NIM1K: variants seen among roughly 807,000 people sequenced by gnomAD.
NIM1K encodes NIM1 serine/threonine protein kinase, also known as serine/threonine-protein kinase NIM1.
Under a neutral mutation model 37.1 loss-of-function variants are expected in NIM1K, and 35 were observed. The observed-to-expected ratio is 0.94, with a 90% CI of 0.72 to 1.25. NIM1K has a LOEUF of 1.25. NIM1K is among the 50% of genes most tolerant of loss of function. The pLI is 0.00. For missense variants in NIM1K, 564 were observed against 548.0 expected, an observed-to-expected ratio of 1.03 and a Z score of -0.29; for synonymous variants, 234 against 206.6, an observed-to-expected ratio of 1.13 and a Z score of -1.14.
intron 1 of NIM1K, among the ~76,000 whole-genome samples, chr5:43,202,128 C>T (rs1215105531): frequency 6.6e-6 from 1 of 151,914 alleles, no homozygotes; most frequent in Non-Finnish European, 1.5e-5. Context: ...TAAAGGAAAA[C>T]ATTTATGGTC....
At position 43,280,746 on chromosome 5, in the gene NIM1K, T is replaced by C; in HGVS notation, c.*17T>C. 1 of 1,553,310 alleles carries C rather than the reference T, an allele frequency of 6.4e-7. No homozygotes were observed. Among genetic ancestry groups the C allele is most frequent in the East Asian group, 2.3e-5 (1 of 44,248 alleles). ...ATTTTATAAATTGCACTAGACTGCT[T>C]GTAACTAACCAAGATGATTGTTGCT... On this transcript the variant is annotated 3_prime_UTR_variant, in exon 4 of 4. Coordinates refer to ENST00000326035, the MANE Select transcript of NIM1K (RefSeq NM_153361.4).
chr5:43,217,093 T>G (rs1488990582), intron 1 of NIM1K, among the ~76,000 whole-genome samples: 1 of 152,162 alleles, frequency 6.6e-6, no homozygotes, highest in Non-Finnish European at 1.5e-5. Context: ...TTCATTACCC[T>G]AAAAAGAAAC....
chr5:43,199,181 T>C (rs1276469862), intron 1 of NIM1K, among the ~76,000 whole-genome samples: 2 of 70,422 alleles, frequency 2.8e-5, no homozygotes, highest in African/African-American at 6.0e-5. Context: ...AGAGTGAAGC[T>C]CTGTCTCCAA....
intron 2 of NIM1K, among the ~76,000 whole-genome samples, chr5:43,261,114 G>C (rs1753023256): frequency 6.6e-6 from 1 of 152,092 alleles, no homozygotes; most frequent in African/African-American, 2.4e-5. Context: ...ATAATCCTTT[G>C]GGTATATACC....
intron 2 of NIM1K, among the ~76,000 whole-genome samples, chr5:43,262,862 T>C (rs1410280598): frequency 6.6e-6 from 1 of 152,216 alleles, no homozygotes; most frequent in Non-Finnish European, 1.5e-5. Context: ...TCTATTGAGA[T>C]AATCATGTGG....
rs576580358 is a variant in NIM1K, at chr5:43,220,174, T to G, written c.-694-24908T>G. Among the ~76,000 whole-genome samples the G allele has an allele frequency of 3.9e-5, 6 of 152,360 alleles. No homozygotes were observed. The South Asian group carries it at 1.2e-3, about 32-fold the overall frequency. ...GGTTGTGCAGATTTATGCCTATGTTTTCATCCAAGAGTTTTATATCTTTAG... is the reference window on the plus strand; with the variant it reads ...GGTTGTGCAGATTTATGCCTATGTTGTCATCCAAGAGTTTTATATCTTTAG... On this transcript the variant is annotated intron_variant, in intron 1 of 3. Coordinates refer to ENST00000326035, the MANE Select transcript of NIM1K (RefSeq NM_153361.4).
At chr5:43,242,057 T>C (rs1711988375) in intron 1 of NIM1K, among the ~76,000 whole-genome samples, 1 of 152,058 alleles carries the variant, frequency 6.6e-6, no homozygotes, top group Non-Finnish European at 1.5e-5. Context: ...ACACTTTATC[T>C]GATCTAAATG....
chr5:43,230,399 G>T (rs1241198894), intron 1 of NIM1K, among the ~76,000 whole-genome samples: 1 of 152,032 alleles, frequency 6.6e-6, no homozygotes, highest in Non-Finnish European at 1.5e-5. Flanking sequence ...TTTTTTTAAA[G>T]GTCACAACAT....
intron 1 of NIM1K, among the ~76,000 whole-genome samples, chr5:43,203,097 C>G (rs1463302791): frequency 2.0e-5 from 3 of 152,094 alleles, no homozygotes; most frequent in Non-Finnish European, 2.9e-5. Context: ...ACCATCCCCC[C>G]AGCCCCACCG....
intron 2 of NIM1K, among the ~76,000 whole-genome samples, chr5:43,273,727 C>A (rs1047519575): frequency 6.6e-6 from 1 of 152,214 alleles, no homozygotes; most frequent in African/African-American, 2.4e-5. Flanking sequence ...CTTGCCTGGG[C>A]AGCACACTTG....
chr5:43,214,172 G>A (rs1752263745), intron 1 of NIM1K, among the ~76,000 whole-genome samples: 1 of 152,106 alleles, frequency 6.6e-6, no homozygotes, highest in African/African-American at 2.4e-5. Flanking sequence ...GACTGTATCA[G>A]GGAGGATTCA....
intron 2 of NIM1K, among the ~76,000 whole-genome samples, chr5:43,250,033 T>C (rs1752844636): frequency 6.6e-6 from 1 of 151,740 alleles, no homozygotes; most frequent in African/African-American, 2.4e-5. Context: ...TTTGTATTTT[T>C]AGTAGAGACG....
At chr5:43,248,687 G>T (rs1752820829) in intron 2 of NIM1K, among the ~76,000 whole-genome samples, 1 of 151,980 alleles carries the variant, frequency 6.6e-6, no homozygotes, top group Non-Finnish European at 1.5e-5. Flanking sequence ...AAGATCCACA[G>T]TCAGCAAGCT....
chr5:43,231,867 T>C, intron 1 of NIM1K: 1 of 1,189,228 alleles, frequency 8.4e-7, no homozygotes. Flanking sequence ...CACACCAACC[T>C]CCTTATAATC....
intron 2 of NIM1K, among the ~76,000 whole-genome samples, chr5:43,270,464 G>A (rs947233794): frequency 6.6e-6 from 1 of 152,172 alleles, no homozygotes; most frequent in Admixed American, 6.5e-5. Context: ...GGAAGGACTT[G>A]AGGAAATTCT....
chr5:43,277,081 A>C lies in NIM1K; in HGVS notation c.317A>C (p.Asp106Ala), dbSNP rs1020395674. Residue 106 changes from aspartate (D) to alanine (A), a missense_variant, in exon 3 of 4, where the codon GAC (aspartate) becomes GCC (alanine). Physicochemically the swap from Asp to Ala is moderately radical, Grantham distance 126. Transcript: ENST00000326035. ...TKEKVAIKIL[D>A]KTKLDQKTQR... ...GAAAAGGTGGCCATTAAGATCCTGG[A>C]CAAGACCAAGTTAGACCAGAAAACC... 10 of 1,613,900 alleles carry C rather than the reference A, an allele frequency of 6.2e-6. No homozygotes were observed. Among genetic ancestry groups the C allele is most frequent in the Admixed American group, 5.0e-5 (3 of 59,980 alleles).
intron 2 of NIM1K, among the ~76,000 whole-genome samples, chr5:43,252,983 T>C (rs1752886866): frequency 6.7e-6 from 1 of 150,364 alleles, no homozygotes; most frequent in Non-Finnish European, 1.5e-5. Context: ...CCTTTTTTTT[T>C]TTTTTATCTT....
chr5:43,234,118 ACAGT>A (rs759845959), intron 1 of NIM1K, among the ~76,000 whole-genome samples: 1 of 152,248 alleles, frequency 6.6e-6, no homozygotes, highest in Non-Finnish European at 1.5e-5. Context: ...CACAGAGCTA[ACAGT>A]CAGGAAATCA....
rs73096638 is a variant in NIM1K at position 43,279,860 on chromosome 5, G to T, written c.562-120G>T. 9.4e-3 allele frequency: 7,679 copies of T among 820,608 alleles called. 448 individuals are homozygous for T. In the African/African-American group the frequency reaches 0.12, roughly 13 times the overall value. 50.8% of individuals were successfully genotyped at this position (820,608 alleles called of 1,614,324 possible). On this transcript the variant is annotated intron_variant, in intron 3 of 3. Transcript: ENST00000326035. ...ACAGGGTTTGCTATCATGACTTAAG[G>T]TGATCCTCACTGAATTTGTTATTCC...
Sources: allele counts gnomAD v4.1 joint callset (sites outside exome capture counted in the v4.1 genomes callset), GRCh38; gene constraint gnomAD v4.1.1; transcripts MANE v1.5; gene names NCBI Gene and HGNC (gene_info 2026-07-23, HGNC 2026-07-21).